Variants in KCNAB2 observed in about 807,000 individuals in gnomAD.
The protein encoded by KCNAB2 is potassium voltage-gated channel subfamily A regulatory beta subunit 2.
Under a neutral mutation model 63.6 loss-of-function variants are expected in KCNAB2, and 29 were observed. The ratio of observed to expected loss-of-function variants is 0.46; its 90% CI spans 0.34 to 0.62. The LOEUF is 0.62. KCNAB2 is among the 20% of genes least tolerant of loss of function. The probability of loss-of-function intolerance (pLI) is 0.01; values close to 1 mark genes in which losing one functional copy is unlikely to be tolerated. For missense variants in KCNAB2, 359 were observed against 563.9 expected, an observed-to-expected ratio of 0.64 and a Z score of 3.68; for synonymous variants, 222 against 224.2, an observed-to-expected ratio of 0.99 and a Z score of 0.09.
intron 1 of KCNAB2, among the ~76,000 whole-genome samples, chr1:6,012,225 T>TGGAGGTGGAGGTGATGAAGGC: frequency 9.9e-6 from 1 of 101,478 alleles, no homozygotes; most frequent in African/African-American, 4.0e-5. Context: ...AGGTGATGGG[T>TGGAGGTGGAGGTGATGAAGGC]GGAGGTGGAG....
chr1:6,026,498 C>G (rs1414132697), intron 1 of KCNAB2: 1 of 152,310 alleles, frequency 6.6e-6, no homozygotes, highest in African/African-American at 2.4e-5. Context: ...TTCTGTCTGA[C>G]GGGTGGGCAG....
rs1445152510 is a variant in KCNAB2 at position 6,092,426 on chromosome 1, C to G, written c.646+1119C>G. On this transcript the variant is annotated intron_variant, in intron 10 of 15. Transcript: ENST00000378083. The stretch of plus-strand genomic sequence containing the variant: ...GCAGGGCAGCATGCGGTTTCACTGG[C>G]TGGGACCTTGGAGACCTGAGACAGC... 2.6e-5 allele frequency among the ~76,000 whole-genome samples: 4 copies of G among 152,268 alleles called. No homozygotes were observed. The East Asian group carries it at 7.7e-4, about 29-fold the overall frequency.
chr1:6,085,397 T>C, intron 6 of KCNAB2, 149 bp downstream of exon 6: 1 of 721,452 alleles, frequency 1.4e-6, no homozygotes, highest in Non-Finnish European at 2.4e-6. Flanking sequence ...AATTCAGTTC[T>C]CCAAGAGTAG....
In KCNAB2 at chr1:6,096,761, C is replaced by G. The variant is rs988685115; in HGVS notation, c.1069+5C>G. 3.2e-6 allele frequency: 5 copies of G among 1,566,864 alleles called. No homozygotes were observed. In the African/African-American group the frequency reaches 6.7e-5, roughly 21 times the overall value. Reference sequence around the variant, plus strand: ...CCCTGCCCCAGCTGGCCATAGGTAACGGTGGGGTCGCCATGGGGCCAGTGC... The same window carrying G: ...CCCTGCCCCAGCTGGCCATAGGTAAGGGTGGGGTCGCCATGGGGCCAGTGC... On this transcript the variant is annotated splice_donor_5th_base_variant and intron_variant, in intron 14 of 15. Coordinates refer to ENST00000378083, the MANE Select transcript of KCNAB2 (RefSeq NM_001199862.2). The surrounding 1 kb of genome is among the most constrained non-coding windows in gnomAD (Gnocchi z 5.9).
chr1:6,069,923 G>A lies in KCNAB2; in HGVS notation c.219-2832G>A, dbSNP rs1391192553. Among the ~76,000 whole-genome samples, 1 of 152,142 alleles carries A rather than the reference G, an allele frequency of 6.6e-6. No homozygotes were observed. The highest frequency in any genetic ancestry group is 1.5e-5 in the Non-Finnish European group (1 of 68,026). On this transcript the variant is annotated intron_variant, in intron 2 of 15. Transcript: ENST00000378083. The surrounding 1 kb of genome is among the most constrained non-coding windows in gnomAD (Gnocchi z 5.4). ...AACCCAGAGCCCACTCGGGGAAGTGGGCCCATTTCCCAACACTCAGACCAG... is the reference window on the plus strand; with the variant it reads ...AACCCAGAGCCCACTCGGGGAAGTGAGCCCATTTCCCAACACTCAGACCAG...
At chr1:6,002,447 C>G (rs557863613) in intron 1 of KCNAB2, among the ~76,000 whole-genome samples, 34 of 152,372 alleles carry the variant, frequency 2.2e-4, no homozygotes, top group South Asian at 4.1e-4. Context: ...AGCCAGGTGC[C>G]TGCCACGGCA....
At chr1:6,055,920 A>C (rs1004496058) in intron 2 of KCNAB2, among the ~76,000 whole-genome samples, 1 of 152,220 alleles carries the variant, frequency 6.6e-6, no homozygotes, top group Non-Finnish European at 1.5e-5. Context: ...GAATATAGAA[A>C]AGATGATACC....
chr1:6,073,767 T>C lies in KCNAB2; in HGVS notation c.297T>C (p.Asp99=), dbSNP rs1316832656. The C allele has an allele frequency of 1.2e-6, 2 of 1,614,098 alleles. No homozygotes were observed. The highest frequency in any genetic ancestry group is 8.5e-7 in the Non-Finnish European group (1 of 1,179,964). Residue 99 remains aspartate, a synonymous_variant, in exon 4 of 16, where the codon GAT becomes GAC. Transcript: ENST00000378083. This position sits in a 1 kb window ranked among gnomAD's most constrained non-coding sequence, Gnocchi z 5.7. The stretch of plus-strand genomic sequence containing the variant: ...TGACCTTCGGAGGCCAGATCACCGA[T>C]GAGGTAAGATGGGGCTCTCCCAGCA... The part of the protein sequence containing the change: ...TWVTFGGQIT[D]EMAEQLMTLA...
intron 1 of KCNAB2, among the ~76,000 whole-genome samples, chr1:6,038,460 T>C (rs1481519080): frequency 6.6e-6 from 1 of 152,036 alleles, no homozygotes; most frequent in Non-Finnish European, 1.5e-5. Context: ...CCAGCTAATT[T>C]TTTTATTTTT....
In KCNAB2 at chr1:6,074,954, GA is replaced by G. The variant is rs34852966; in HGVS notation, c.300+1199del. On this transcript the variant is annotated intron_variant, in intron 4 of 15. Coordinates refer to ENST00000378083, the MANE Select transcript of KCNAB2 (RefSeq NM_001199862.2). The surrounding 1 kb of genome is among the most constrained non-coding windows in gnomAD (Gnocchi z 4.9). ...AGGCCGTAGAGTAAGACTCTGTCTC[GA>G]AAAAAAAAAAAAAAGACAATAGCTG... 1.5e-3 allele frequency among the ~76,000 whole-genome samples: 200 copies of G among 135,922 alleles called. No homozygotes were observed. The highest frequency in any genetic ancestry group is 3.7e-3 in the Middle Eastern group (1 of 272). 89.2% of individuals were successfully genotyped at this position (135,922 alleles called of 152,430 possible). A position where few individuals can be genotyped will look rare whatever the true frequency, so the allele number is the denominator to read the frequency against.
chr1:6,094,401 G>A lies in KCNAB2; in HGVS notation c.648G>A (p.Glu216=), dbSNP rs1412406755. ...CGGTTTCCCTTTCTCTCACGACAGA[G>A]ACCGTCCGCGCCATGACCCACGTCA... is the stretch of plus-strand genomic sequence containing the variant. ...SSKSRTFIIE[E]TVRAMTHVIN... The change falls in exon 11 of 16, where the codon GAG becomes GAA. Residue 216 remains glutamate (E), a splice_region_variant and synonymous_variant. Transcript: ENST00000378083. 3.1e-6 allele frequency: 5 copies of A among 1,608,958 alleles called. No individual in the cohort carries two copies. Among genetic ancestry groups the A allele is most frequent in the Non-Finnish European group, 4.2e-6 (5 of 1,178,260 alleles).
At position 6,078,525 on chromosome 1, in the gene KCNAB2, T is replaced by A. The variant is rs147007876; in HGVS notation, c.301-3670T>A. ...ACGTGGTGGTCCAGAGAAAGAGCCT[T>A]CGGGGGCCAAGGGGACAACCAAGGC... On this transcript the variant is annotated intron_variant, in intron 4 of 15. Transcript: ENST00000378083. This position sits in a 1 kb window ranked among gnomAD's most constrained non-coding sequence, Gnocchi z 4.2. Among the ~76,000 whole-genome samples, 1 of 151,654 alleles carries A rather than the reference T, an allele frequency of 6.6e-6. No homozygotes were observed. The highest frequency in any genetic ancestry group is 1.5e-5 in the Non-Finnish European group (1 of 67,914).
At position 6,097,306 on chromosome 1, in the gene KCNAB2, C is replaced by G. The variant is rs1450856883; in HGVS notation, c.1107C>G (p.Leu369=). ...CLRNEGVSSV[L]LGASNADQLM... is the part of the protein sequence containing the mutation. The stretch of plus-strand genomic sequence containing the variant: ...GGAATGAGGGAGTCAGCTCCGTGCT[C>G]CTGGGGGCCTCCAATGCGGACCAGC... Residue 369 remains leucine, a synonymous_variant, in exon 15 of 16, where the codon CTC becomes CTG. Transcript: ENST00000378083. The G allele has an allele frequency of 1.3e-6, 2 of 1,552,200 alleles. No individual in the cohort carries two copies. Among genetic ancestry groups the G allele is most frequent in the Non-Finnish European group, 1.7e-6 (2 of 1,147,256 alleles).
chr1:6,029,750 G>A (rs1659458293), upstream of KCNAB2, among the ~76,000 whole-genome samples: 1 of 152,240 alleles, frequency 6.6e-6, no homozygotes, highest in African/African-American at 2.4e-5. Flanking sequence ...GGCAGAGCCA[G>A]TGCCAACTCC....
intron 1 of KCNAB2, among the ~76,000 whole-genome samples, chr1:6,036,965 G>T (rs1340485969): frequency 6.6e-6 from 1 of 152,178 alleles, no homozygotes; most frequent in African/African-American, 2.4e-5. Flanking sequence ...TGCCCTTGGA[G>T]CCCAGAAGCA....
intron 1 of KCNAB2, among the ~76,000 whole-genome samples, chr1:6,020,806 A>T (rs2100327679): frequency 6.6e-6 from 1 of 152,204 alleles, no homozygotes; most frequent in Non-Finnish European, 1.5e-5. Flanking sequence ...AGCTGGGATT[A>T]CAAGTGCCCA....
chr1:6,050,919 A>G (rs1012931440), intron 1 of KCNAB2, among the ~76,000 whole-genome samples: 1 of 152,274 alleles, frequency 6.6e-6, no homozygotes, highest in African/African-American at 2.4e-5. Flanking sequence ...TTGTATAGAT[A>G]GCATTTCCCT....
rs111491026 is a variant in KCNAB2 at position 6,021,741 on chromosome 1, C to T, written c.-52-18776C>T. Among the ~76,000 whole-genome samples, 544 of 146,116 alleles carry T rather than the reference C, an allele frequency of 3.7e-3. 5 individuals carry two copies. Among genetic ancestry groups the T allele is most frequent in the African/African-American group, 9.6e-3 (375 of 38,936 alleles). ...AGTTCAGTGGTATGAGTGTGTAGTT[C>T]GGTGGTATTGAGTGTACAGTTCAAT... On this transcript the variant is annotated intron_variant, in intron 1 of 16. Transcript: ENST00000341524.
In KCNAB2 at chr1:6,078,460, A is replaced by G. The variant is rs564362710; in HGVS notation, c.301-3735A>G. 7.9e-5 allele frequency among the ~76,000 whole-genome samples: 12 copies of G among 152,250 alleles called. No homozygotes were observed. The highest frequency in any genetic ancestry group is 5.8e-4 in the East Asian group (3 of 5,174). On this transcript the variant is annotated intron_variant, in intron 4 of 15. Transcript: ENST00000378083. The surrounding 1 kb of genome is among the most constrained non-coding windows in gnomAD (Gnocchi z 4.2). ...GGAGGGCAGGGGGGCGGGGGTCCTG[A>G]CGACAGGGTGGTCAGGAAGCAGAAG...
Sources: allele counts gnomAD v4.1 joint callset (sites outside exome capture counted in the v4.1 genomes callset), GRCh38; gene constraint gnomAD v4.1.1; non-coding constraint Gnocchi (gnomAD v3.1); transcripts MANE v1.5; gene names NCBI Gene and HGNC (gene_info 2026-07-23, HGNC 2026-07-21).